Variants in ABHD12 observed in about 807,000 individuals in gnomAD.
ABHD12 encodes the protein abhydrolase domain containing 12, lysophospholipase, also known as lysophosphatidylserine lipase ABHD12.
Under a neutral mutation model 58.3 loss-of-function variants are expected in ABHD12, and 43 were observed. That is an observed-to-expected ratio of 0.74 (90% confidence interval 0.58 to 0.95). ABHD12 has a LOEUF of 0.95. ABHD12 is among the 40% of genes least tolerant of loss of function. The pLI is 0.00. For synonymous variants in ABHD12, 219 were observed against 211.2 expected (o/e 1.04, Z -0.32); for missense variants, 539 against 537.2 (o/e 1.00, Z -0.03).
chr20:25,348,018 T>C (rs2089543538), intron 1 of ABHD12, among the ~76,000 whole-genome samples: 1 of 151,672 alleles, frequency 6.6e-6, no homozygotes, highest in South Asian at 2.1e-4. Flanking sequence ...AAGATCATCC[T>C]GGCCAACGTG....
chr20:25,340,225 CTAA>C (rs1282155807), intron 1 of ABHD12, among the ~76,000 whole-genome samples: 16 of 152,222 alleles, frequency 1.1e-4, no homozygotes, highest in Admixed American at 2.0e-4. Context: ...ATTAATTCAT[CTAA>C]TAATAACAAT....
intron 1 of ABHD12, among the ~76,000 whole-genome samples, chr20:25,351,202 A>T (rs781350087): frequency 4.5e-4 from 68 of 152,314 alleles, no homozygotes; most frequent in Non-Finnish European, 7.4e-4. Context: ...ACATCATTGG[A>T]TCTGGTTGTC....
At chr20:25,295,822 C>T, downstream of ABHD12, 3 of 853,318 alleles carry the variant, frequency 3.5e-6, 1 homozygote, top group Non-Finnish European at 5.6e-6. Context: ...GCTGTGCCTG[C>T]CTTTAGGGAA....
At chr20:25,317,857 AGGGAC>A in intron 4 of ABHD12, among the ~76,000 whole-genome samples, 1 of 152,158 alleles carries the variant, frequency 6.6e-6, no homozygotes, top group African/African-American at 2.4e-5. Flanking sequence ...ACCCCACAGC[AGGGAC>A]ATGGGCCACC....
chr20:25,344,659 A>C (rs1600830070), intron 1 of ABHD12, among the ~76,000 whole-genome samples: 1 of 152,250 alleles, frequency 6.6e-6, no homozygotes, highest in East Asian at 1.9e-4. Flanking sequence ...ATATTGACAA[A>C]CTGATCCTAA....
intron 3 of ABHD12, among the ~76,000 whole-genome samples, chr20:25,321,442 T>G (rs1205116945): frequency 6.6e-6 from 1 of 152,150 alleles, no homozygotes; most frequent in African/African-American, 2.4e-5. Context: ...GAAGCGATGG[T>G]GGGGGCAGTT....
chr20:25,321,584 C>T (rs1368151974), intron 3 of ABHD12, among the ~76,000 whole-genome samples: 1 of 152,264 alleles, frequency 6.6e-6, no homozygotes. Flanking sequence ...GCTGTCACTG[C>T]CTTGACACTT....
At chr20:25,317,502 A>G (rs2088984748) in intron 4 of ABHD12, among the ~76,000 whole-genome samples, 2 of 152,204 alleles carry the variant, frequency 1.3e-5, no homozygotes, top group Non-Finnish European at 2.9e-5. Flanking sequence ...GCCGACCTTC[A>G]GAACTCTGCT....
In ABHD12 at chr20:25,366,164, T is replaced by C. The variant is rs374948454; in HGVS notation, c.191+24349A>G. Among the ~76,000 whole-genome samples the C allele has an allele frequency of 1.8e-4, 28 of 152,364 alleles. No homozygotes were observed. In the East Asian group the frequency reaches 4.8e-3, roughly 26 times the overall value. ...TTTTTTCTTTTCAATTCCTAGAAGT[T>C]CTTTATTATTACACCTCTTTACCTA... On this transcript the variant is annotated intron_variant, in intron 1 of 12. Transcript: ENST00000339157.
chr20:25,313,125 G>A (rs1288772745), intron 6 of ABHD12, among the ~76,000 whole-genome samples: 1,875 of 148,442 alleles, frequency 0.013, 1 homozygote, highest in African/African-American at 0.041. Flanking sequence ...TGACGATGGC[G>A]GTTTTGTCGA....
intron 1 of ABHD12, among the ~76,000 whole-genome samples, chr20:25,383,729 G>T (rs1471160135): frequency 6.6e-6 from 1 of 152,168 alleles, no homozygotes; most frequent in Non-Finnish European, 1.5e-5. Context: ...GCCAAGGTGG[G>T]CGGATCATGA....
chr20:25,336,387 G>A (rs2146026298), intron 2 of ABHD12, among the ~76,000 whole-genome samples: 1 of 152,036 alleles, frequency 6.6e-6, no homozygotes, highest in East Asian at 1.9e-4. Context: ...GTAGAATAAT[G>A]CCTTACATTG....
At chr20:25,341,103 C>A (rs950572623) in intron 1 of ABHD12, among the ~76,000 whole-genome samples, 28 of 152,254 alleles carry the variant, frequency 1.8e-4, no homozygotes, top group Non-Finnish European at 3.7e-4. Flanking sequence ...TTTCCTGGTT[C>A]ATTCAGAGAT....
At chr20:25,299,350 T>C (rs2088597917), downstream of ABHD12, among the ~76,000 whole-genome samples, 1 of 152,102 alleles carries the variant, frequency 6.6e-6, no homozygotes, top group Non-Finnish European at 1.5e-5. Context: ...CTGTGAGCTA[T>C]GATTGTGCCA....
intron 1 of ABHD12, among the ~76,000 whole-genome samples, chr20:25,387,696 T>A (rs1288373741): frequency 6.6e-6 from 1 of 151,382 alleles, no homozygotes; most frequent in East Asian, 1.9e-4. Context: ...GCCATGATCA[T>A]GCCACTGTGC....
At chr20:25,351,970 C>T (rs1394074502) in intron 1 of ABHD12, among the ~76,000 whole-genome samples, 1 of 152,174 alleles carries the variant, frequency 6.6e-6, no homozygotes, top group Non-Finnish European at 1.5e-5. Context: ...GCACAGTAAA[C>T]AACCACATTT....
At chr20:25,317,322 A>G (rs539825626) in intron 4 of ABHD12, among the ~76,000 whole-genome samples, 1 of 152,252 alleles carries the variant, frequency 6.6e-6, no homozygotes, top group Admixed American at 6.5e-5. Flanking sequence ...ATGCACACCT[A>G]CAGCCCCAAA....
chr20:25,330,862 G>GAA (rs528094376), intron 2 of ABHD12, among the ~76,000 whole-genome samples: 3 of 151,808 alleles, frequency 2.0e-5, no homozygotes, highest in African/African-American at 7.3e-5. Flanking sequence ...CAAAGATGGG[G>GAA]AAAAAAAAGA....
intron 1 of ABHD12, chr20:25,368,477 A>G: frequency 1.3e-6 from 2 of 1,573,044 alleles, no homozygotes; most frequent in Non-Finnish European, 1.7e-6. Context: ...TGCCATGGAC[A>G]AGATGCTAGG....
Sources: allele counts gnomAD v4.1 joint callset (sites outside exome capture counted in the v4.1 genomes callset), GRCh38; gene constraint gnomAD v4.1.1; transcripts MANE v1.5; gene names NCBI Gene and HGNC (gene_info 2026-07-23, HGNC 2026-07-21).